Variants in CLTRN observed in about 807,000 individuals in gnomAD.
The protein encoded by CLTRN is collectrin.
In CLTRN, 12 loss-of-function variants were observed where a neutral mutation model predicts 14.5. The ratio of observed to expected loss-of-function variants is 0.83; its 90% CI spans 0.53 to 1.34. The LOEUF (loss-of-function observed/expected upper bound fraction) is 1.34. Among genes scored for constraint, CLTRN ranks in the 40% most tolerant of loss-of-function variants. CLTRN has a pLI of 0.00. For synonymous variants in CLTRN, 58 were observed against 56.5 expected (o/e 1.03, Z -0.12); for missense variants, 154 against 165.1 (o/e 0.93, Z 0.37).
upstream of CLTRN, among the ~76,000 whole-genome samples, chrX:15,667,201 C>T (rs1423708712): frequency 3.6e-5 from 4 of 110,240 alleles, no homozygotes; most frequent in Admixed American, 9.8e-5. Flanking sequence ...CGTGCCACTG[C>T]ACTCCAGCCG....
intron 3 of CLTRN, among the ~76,000 whole-genome samples, chrX:15,652,386 C>T (rs757536511): frequency 9.2e-6 from 1 of 108,412 alleles, no homozygotes; most frequent in East Asian, 2.9e-4. Context: ...AGCAACTCAG[C>T]GAAACAAAAT....
intron 3 of CLTRN, chrX:15,646,813 C>T (rs979973042): frequency 1.5e-5 from 5 of 328,718 alleles, no homozygotes; most frequent in South Asian, 1.3e-4. Flanking sequence ...CCAGCCTGTC[C>T]GCAGCCTGGT....
Position 15,628,674 on chromosome X carries a change from C to T in CLTRN, c.513-547G>A, listed in dbSNP as rs139529910. 3.5e-3 allele frequency among the ~76,000 whole-genome samples: 396 copies of T among 112,072 alleles called. 1 individual carries two copies. The highest frequency in any genetic ancestry group is 0.014 in the Middle Eastern group (3 of 216). The stretch of plus-strand genomic sequence containing the variant: ...AACATTACTTTGTAGAAAGTAAGTG[C>T]TATAAACTTCAAATATTGCTGCTTG... On this transcript the variant is annotated intron_variant, in intron 5 of 5. Coordinates refer to ENST00000380342, the MANE Select transcript of CLTRN (RefSeq NM_020665.6).
intron 5 of CLTRN, among the ~76,000 whole-genome samples, chrX:15,633,114 T>C (rs1928740647): frequency 9.1e-6 from 1 of 110,479 alleles, no homozygotes. Flanking sequence ...AAATCAAACC[T>C]ACCTGGTTTT....
At chrX:15,650,999 G>A (rs1929200631) in intron 3 of CLTRN, among the ~76,000 whole-genome samples, 1 of 111,395 alleles carries the variant, frequency 9.0e-6, no homozygotes, top group African/African-American at 3.3e-5. Flanking sequence ...GTAAGAAACC[G>A]AGGTCCAACA....
intron 3 of CLTRN, among the ~76,000 whole-genome samples, chrX:15,649,594 G>T (rs932951614): frequency 9.0e-6 from 1 of 111,250 alleles, no homozygotes; most frequent in African/African-American, 3.3e-5. Flanking sequence ...GTCAATGGGG[G>T]TGTGCTGTTG....
intron 5 of CLTRN, 41 bp from the exon 6 acceptor site, chrX:15,628,168 C>T: frequency 3.0e-6 from 3 of 986,065 alleles, no homozygotes; most frequent in Non-Finnish European, 3.9e-6. Context: ...TCTAGAAGGA[C>T]CATAACCATG....
intron 3 of CLTRN, among the ~76,000 whole-genome samples, chrX:15,654,122 A>C (rs746485026): frequency 8.9e-6 from 1 of 112,083 alleles, no homozygotes; most frequent in South Asian, 3.7e-4. Context: ...TCTGGAAATC[A>C]AAAGGACTAA....
intron 3 of CLTRN, among the ~76,000 whole-genome samples, chrX:15,657,751 T>A (rs1282908787): frequency 1.8e-5 from 2 of 112,067 alleles, no homozygotes; most frequent in Non-Finnish European, 3.8e-5. Flanking sequence ...ACAATATATA[T>A]AATTTTAAGA....
At chrX:15,661,863 A>G (rs1039904860) in intron 2 of CLTRN, among the ~76,000 whole-genome samples, 3 of 112,246 alleles carry the variant, frequency 2.7e-5, no homozygotes, top group African/African-American at 9.7e-5. Context: ...TTAATTGCAT[A>G]TATTTATCTA....
rs183456718 is a variant in CLTRN at position 15,630,645 on chromosome X, A to T, written c.513-2518T>A. Among the ~76,000 whole-genome samples, 15 of 112,177 alleles carry T rather than the reference A, an allele frequency of 1.3e-4. No individual in the cohort carries two copies. The East Asian group carries it at 4.2e-3, about 31-fold the overall frequency. On this transcript the variant is annotated intron_variant, in intron 5 of 5. Coordinates refer to ENST00000380342, the MANE Select transcript of CLTRN (RefSeq NM_020665.6). The stretch of plus-strand genomic sequence containing the variant: ...CTGAATTGCAGATGCCACATTTTAA[A>T]CATTTATTAATAAAACTTCTGGCCC...
chrX:15,648,950 T>TAA (rs1929155126), intron 3 of CLTRN, among the ~76,000 whole-genome samples: 1 of 112,195 alleles, frequency 8.9e-6, no homozygotes, highest in African/African-American at 3.2e-5. Flanking sequence ...AGAAATCATG[T>TAA]AAAGAGTCAT....
intron 3 of CLTRN, among the ~76,000 whole-genome samples, chrX:15,653,333 CTTTTTTTT>C (rs1176808132): frequency 9.2e-6 from 1 of 108,678 alleles, no homozygotes; most frequent in Non-Finnish European, 1.9e-5. Flanking sequence ...CTCTTTTTTT[CTTTTTTTT>C]AATTTAACTT....
upstream of CLTRN, among the ~76,000 whole-genome samples, chrX:15,669,513 C>T (rs763207258): frequency 2.7e-5 from 3 of 112,187 alleles, no homozygotes; most frequent in Non-Finnish European, 5.6e-5. Context: ...GATGGGAAAA[C>T]GAAATTGATT....
chrX:15,673,714 G>C (rs1285179971), intron 1 of CLTRN, among the ~76,000 whole-genome samples: 3 of 112,615 alleles, frequency 2.7e-5, no homozygotes, highest in Non-Finnish European at 3.8e-5. Flanking sequence ...AAGGTGGGAA[G>C]AGAAAGGAAC....
chrX:15,630,615 A>T (rs1450002039), intron 5 of CLTRN, among the ~76,000 whole-genome samples: 1 of 112,386 alleles, frequency 8.9e-6, no homozygotes, highest in Non-Finnish European at 1.9e-5. Flanking sequence ...CACAATAGGC[A>T]ATCACTGAAT....
At chrX:15,668,633 T>C (rs1328681260), upstream of CLTRN, among the ~76,000 whole-genome samples, 1 of 112,060 alleles carries the variant, frequency 8.9e-6, no homozygotes, top group Non-Finnish European at 1.9e-5. Flanking sequence ...GTGCTGATTC[T>C]TGAAGCGTTT....
chrX:15,654,930 C>T (rs182542452), intron 3 of CLTRN, among the ~76,000 whole-genome samples: 71 of 112,542 alleles, frequency 6.3e-4, no homozygotes, highest in Middle Eastern at 4.6e-3. Flanking sequence ...GTTGATGTTG[C>T]TCACACTGTT....
At position 15,639,619 on chromosome X, in the gene CLTRN, C is replaced by A. The variant is rs1367440245; in HGVS notation, c.455G>T (p.Cys152Phe). 1 of 1,210,060 alleles carries A rather than the reference C, an allele frequency of 8.3e-7. No homozygotes were observed. Among genetic ancestry groups the A allele is most frequent in the East Asian group, 3.0e-5 (1 of 33,826 alleles). ...TAGTGCAATTGCAACTATGATGATG[C>A]AAAATATCACACCAAATATAATAAT... Reference protein sequence around the residue: ...IWIIIFGVIFCIIIVAIALLI... With the variant: ...IWIIIFGVIFFIIIVAIALLI... Residue 152 changes from cysteine (C) to phenylalanine (F), a missense_variant, in exon 5 of 6, where the codon TGC (cysteine) becomes TTC (phenylalanine). Physicochemically the swap from Cys to Phe is radical, Grantham distance 205. Coordinates refer to ENST00000380342, the MANE Select transcript of CLTRN (RefSeq NM_020665.6).
Sources: allele counts gnomAD v4.1 joint callset (sites outside exome capture counted in the v4.1 genomes callset), GRCh38; gene constraint gnomAD v4.1.1; transcripts MANE v1.5; gene names NCBI Gene and HGNC (gene_info 2026-07-23, HGNC 2026-07-21).